Variants in TMEM39B observed in about 807,000 individuals in gnomAD.
TMEM39B encodes the protein transmembrane protein 39B.
TMEM39B carries 23 observed loss-of-function variants against 52.2 expected under a neutral mutation model. The observed-to-expected ratio is 0.44, with a 90% CI of 0.32 to 0.62. The LOEUF is 0.62. Among genes scored for constraint, TMEM39B ranks in the 20% least tolerant of loss-of-function variants. TMEM39B has a pLI of 0.06. For synonymous variants in TMEM39B, 285 were observed against 264.0 expected (o/e 1.08, Z -0.77); for missense variants, 547 against 642.0 (o/e 0.85, Z 1.60).
intron 5 of TMEM39B, among the ~76,000 whole-genome samples, chr1:32,079,003 C>T (rs1249576521): frequency 1.3e-5 from 2 of 152,044 alleles, no homozygotes; most frequent in Non-Finnish European, 2.9e-5. Flanking sequence ...ATTTACCACA[C>T]TTTTCACTTA....
In TMEM39B at chr1:32,098,503, C is replaced by T. The variant is rs186719947; in HGVS notation, c.1116-1939C>T. Among the ~76,000 whole-genome samples the T allele has an allele frequency of 3.8e-3, 575 of 151,922 alleles. 7 individuals carry two copies. Among genetic ancestry groups the T allele is most frequent in the East Asian group, 0.02 (101 of 5,094 alleles). On this transcript the variant is annotated intron_variant, in intron 7 of 8. Coordinates refer to ENST00000336294, the MANE Select transcript of TMEM39B (RefSeq NM_018056.4). Reference sequence around the variant, plus strand: ...ATCCCAGCACTTTGGGAGGCCAAGGCGGGCGGATCACGAGGTCAGGAGATC... The same window carrying T: ...ATCCCAGCACTTTGGGAGGCCAAGGTGGGCGGATCACGAGGTCAGGAGATC...
At chr1:32,074,497 AACTG>A (rs1354124011) in intron 1 of TMEM39B, among the ~76,000 whole-genome samples, 1 of 152,188 alleles carries the variant, frequency 6.6e-6, no homozygotes, top group East Asian at 1.9e-4. Context: ...AAGATAAGGT[AACTG>A]ACCTCATTGA....
chr1:32,096,204 A>G (rs1286030903), intron 7 of TMEM39B, among the ~76,000 whole-genome samples: 1 of 151,900 alleles, frequency 6.6e-6, no homozygotes, highest in African/African-American at 2.4e-5. Context: ...CATTCTTTCT[A>G]TCCTGATTAA....
Position 32,075,747 on chromosome 1 carries a change from C to A in TMEM39B, c.276C>A (p.Leu92=). The change falls in exon 3 of 9, where the codon CTC becomes CTA. Residue 92 remains leucine (L), a synonymous_variant. Transcript: ENST00000336294. ...LQLFFCQLIA[L]FVHYINIYKT... Reference sequence around the variant, plus strand: ...TCTTCTTCTGCCAGCTCATAGCACTCTTCGTCCACTACATCAACATCTACA... The same window carrying A: ...TCTTCTTCTGCCAGCTCATAGCACTATTCGTCCACTACATCAACATCTACA... 6.4e-7 allele frequency: 1 copy of A among 1,551,476 alleles called. No homozygotes were observed. Among genetic ancestry groups the A allele is most frequent in the East Asian group, 2.4e-5 (1 of 40,914 alleles).
intron 8 of TMEM39B, chr1:32,100,845 A>G (rs985043710): frequency 2.7e-6 from 1 of 371,770 alleles, no homozygotes; most frequent in African/African-American, 2.1e-5. Flanking sequence ...AGCCTGGTCA[A>G]CATGGTGAAA....
intron 5 of TMEM39B, among the ~76,000 whole-genome samples, chr1:32,082,876 G>A (rs1413063806): frequency 3.3e-5 from 5 of 151,726 alleles, no homozygotes; most frequent in Admixed American, 1.3e-4. Context: ...CTGGGTTCAC[G>A]CCATTCTCCA....
In TMEM39B at chr1:32,073,015, C is replaced by G. The variant is rs1222912097; in HGVS notation, c.-33C>G. ...TCCGACATATTGCCCGCAGGAGCTG[C>G]GGCGGCGAAGCGGAGAGCACCGGGG... On this transcript the variant is annotated 5_prime_UTR_variant, in exon 1 of 9. Coordinates refer to ENST00000336294, the MANE Select transcript of TMEM39B (RefSeq NM_018056.4). 1 of 1,531,172 alleles carries G rather than the reference C, an allele frequency of 6.5e-7. No individual in the cohort carries two copies. The highest frequency in any genetic ancestry group is 8.8e-7 in the Non-Finnish European group (1 of 1,137,312). The allele number at this position is 1,531,172 out of a possible 1,614,324, so 94.8% of individuals were successfully genotyped here.
rs749623744 is a variant in TMEM39B, at chr1:32,102,594, T to C, written c.1400T>C (p.Leu467Pro). ...AACTACTATGCCTTCTTCAAGCTGC[T>C]CCGGGACCGCTTGGTATTGGGCAAG... ...FSNYYAFFKL[L>P]RDRLVLGKAY... Residue 467 changes from leucine (L) to proline (P), a missense_variant, in exon 9 of 9, where the codon CTC becomes CCC. Coordinates refer to ENST00000336294, the MANE Select transcript of TMEM39B (RefSeq NM_018056.4). 6.2e-7 allele frequency: 1 copy of C among 1,613,914 alleles called. No homozygotes were observed. Among genetic ancestry groups the C allele is most frequent in the East Asian group, 2.2e-5 (1 of 44,896 alleles).
chr1:32,098,432 A>G lies in TMEM39B; in HGVS notation c.1116-2010A>G, dbSNP rs374171799. Among the ~76,000 whole-genome samples, 5 of 152,166 alleles carry G rather than the reference A, an allele frequency of 3.3e-5. No individual in the cohort carries two copies. The East Asian group carries it at 7.8e-4, about 24-fold the overall frequency. On this transcript the variant is annotated intron_variant, in intron 7 of 8. Coordinates refer to ENST00000336294, the MANE Select transcript of TMEM39B (RefSeq NM_018056.4). ...GGATTCCTGGGAGATCTCACAGGAC[A>G]TTATAAGAAAGCTCACTGGGCCAGG...
chr1:32,078,881 T>C (rs2124436142), intron 5 of TMEM39B, among the ~76,000 whole-genome samples: 1 of 151,842 alleles, frequency 6.6e-6, no homozygotes, highest in East Asian at 1.9e-4. Context: ...CCTCAAGTGA[T>C]CTGCCCACCT....
chr1:32,093,174 C>T (rs987613938), intron 6 of TMEM39B, among the ~76,000 whole-genome samples: 3 of 151,956 alleles, frequency 2.0e-5, no homozygotes, highest in African/African-American at 7.2e-5. Flanking sequence ...TCTTAGCTCA[C>T]TGCATCCTCC....
At chr1:32,096,789 C>T (rs1466246449) in intron 7 of TMEM39B, among the ~76,000 whole-genome samples, 3 of 150,832 alleles carry the variant, frequency 2.0e-5, no homozygotes, top group Admixed American at 6.6e-5. Context: ...GTAAAATTTC[C>T]ATACAGTGAA....
chr1:32,082,074 G>GT (rs1640121440), intron 5 of TMEM39B, among the ~76,000 whole-genome samples: 1 of 151,946 alleles, frequency 6.6e-6, no homozygotes, highest in African/African-American at 2.4e-5. Flanking sequence ...GTTTCTGTTG[G>GT]TTATTTTCAT....
rs1380054938 is a variant in TMEM39B at position 32,088,019 on chromosome 1, A to G, written c.591-3656A>G. Among the ~76,000 whole-genome samples the G allele has an allele frequency of 8.7e-4, 124 of 141,990 alleles. No individual in the cohort carries two copies. In the Middle Eastern group the frequency reaches 0.012, roughly 14 times the overall value. The allele number at this position is 141,990 out of a possible 152,430, so 93.2% of individuals were successfully genotyped here. On this transcript the variant is annotated intron_variant, in intron 5 of 8. Coordinates refer to ENST00000336294, the MANE Select transcript of TMEM39B (RefSeq NM_018056.4). The stretch of plus-strand genomic sequence containing the variant: ...CGGGCGCCTGTAGTCCCGGCTACTC[A>G]GGAGGCTGAGGCAGAAGAATGGCGT...
chr1:32,101,170 C>T (rs1040505330), intron 8 of TMEM39B, among the ~76,000 whole-genome samples: 2 of 152,120 alleles, frequency 1.3e-5, no homozygotes, highest in South Asian at 2.1e-4. Flanking sequence ...TTACTGTGTG[C>T]CAGGCATGTC....
Position 32,076,237 on chromosome 1 carries a change from G to A in TMEM39B, c.351+415G>A, listed in dbSNP as rs150920195. 242 of 206,822 alleles carry A rather than the reference G, an allele frequency of 1.2e-3. 1 individual carries two copies. The highest frequency in any genetic ancestry group is 5.1e-3 in the African/African-American group (215 of 42,572). 12.8% of individuals were successfully genotyped at this position (206,822 alleles called of 1,614,324 possible). On this transcript the variant is annotated intron_variant, in intron 3 of 8. Transcript: ENST00000336294. ...AGCGATTCTCCTGCCTCAGTCTCCC[G>A]AGTAGCTGGGATTACAGGTGTGTGC...
At chr1:32,101,326 G>A (rs1472509493) in intron 8 of TMEM39B, among the ~76,000 whole-genome samples, 1 of 152,048 alleles carries the variant, frequency 6.6e-6, no homozygotes, top group Non-Finnish European at 1.5e-5. Flanking sequence ...GGAAACTTGA[G>A]AACCTAATGG....
At chr1:32,092,686 T>TA (rs1640655256) in intron 6 of TMEM39B, among the ~76,000 whole-genome samples, 1 of 152,104 alleles carries the variant, frequency 6.6e-6, no homozygotes, top group Non-Finnish European at 1.5e-5. Context: ...AGACGGGGTT[T>TA]CATGATGTTG....
intron 6 of TMEM39B, among the ~76,000 whole-genome samples, chr1:32,094,135 T>C (rs1640721847): frequency 7.8e-6 from 1 of 128,996 alleles, no homozygotes. Context: ...TTTTTTTTTT[T>C]TTTTTTTTTG....
Sources: allele counts gnomAD v4.1 joint callset (sites outside exome capture counted in the v4.1 genomes callset), GRCh38; gene constraint gnomAD v4.1.1; transcripts MANE v1.5; gene names NCBI Gene and HGNC (gene_info 2026-07-23, HGNC 2026-07-21).